The following ACOXL variants were observed in gnomAD, a reference collection of about 807,000 sequenced individuals.
ACOXL encodes acyl-CoA oxidase like.
Under a neutral mutation model 71.9 loss-of-function variants are expected in ACOXL, and 70 were observed. That is an observed-to-expected ratio of 0.97 (90% CI 0.80 to 1.19). The LOEUF is 1.19. ACOXL is among the 50% of genes most tolerant of loss of function. ACOXL has a pLI of 0.00. For synonymous variants in ACOXL, 253 were observed against 281.6 expected (o/e 0.90, Z 1.02); for missense variants, 703 against 736.3 (o/e 0.95, Z 0.52).
chr2:110,799,809 CTGTAAAAATGCACCAATCAGTGCTG>C (rs1685734647), intron 7 of ACOXL, among the ~76,000 whole-genome samples: 1 of 151,940 alleles, frequency 6.6e-6, no homozygotes, highest in African/African-American at 2.4e-5. Flanking sequence ...AATCAGTGCT[CTGTAAAAATGCACCAATCAGTGCTG>C]TGTAACTAGC....
intron 11 of ACOXL, among the ~76,000 whole-genome samples, chr2:110,929,984 G>A (rs967835878): frequency 6.6e-6 from 1 of 152,230 alleles, no homozygotes; most frequent in Non-Finnish European, 1.5e-5. Context: ...ACCTTTGCTA[G>A]GGTAGTGTAG....
chr2:111,069,139 C>G (rs1574661966), intron 16 of ACOXL, among the ~76,000 whole-genome samples: 1 of 143,008 alleles, frequency 7.0e-6, no homozygotes, highest in East Asian at 2.0e-4. Flanking sequence ...TCTCCCTCTT[C>G]TTTTTCTTTT....
At chr2:110,775,308 A>G (rs1682501347) in intron 2 of ACOXL, among the ~76,000 whole-genome samples, 2 of 152,248 alleles carry the variant, frequency 1.3e-5, no homozygotes, top group Non-Finnish European at 2.9e-5. Flanking sequence ...TGAAAAACGT[A>G]GATACATTTT....
intron 14 of ACOXL, among the ~76,000 whole-genome samples, chr2:111,018,713 G>GGA (rs1553458296): frequency 7.2e-5 from 11 of 151,948 alleles, no homozygotes; most frequent in Admixed American, 7.2e-4. Flanking sequence ...GAGGCTGGAG[G>GGA]GGGTGTTGGT....
At chr2:110,897,329 T>C (rs1447986491) in intron 10 of ACOXL, among the ~76,000 whole-genome samples, 1 of 152,166 alleles carries the variant, frequency 6.6e-6, no homozygotes, top group African/African-American at 2.4e-5. Context: ...TAAAGAATGG[T>C]CTTTTTAGTC....
chr2:110,846,910 C>T (rs1054643835), intron 10 of ACOXL, among the ~76,000 whole-genome samples: 12 of 152,282 alleles, frequency 7.9e-5, no homozygotes, highest in African/African-American at 2.6e-4. Context: ...CAAGGAGAGC[C>T]TCTGCCATGA....
At chr2:110,858,886 C>A (rs1043701986) in intron 10 of ACOXL, among the ~76,000 whole-genome samples, 1 of 152,212 alleles carries the variant, frequency 6.6e-6, no homozygotes, top group Non-Finnish European at 1.5e-5. Flanking sequence ...AAACAGGAAG[C>A]CTGCCTTCTC....
Position 110,950,016 on chromosome 2 carries a change from CTCTG to C in ACOXL, c.1059+16378_1059+16381del, listed in dbSNP as rs143068032. On this transcript the variant is annotated intron_variant, in intron 12 of 17. Coordinates refer to ENST00000439055, the MANE Select transcript of ACOXL (RefSeq NM_001142807.4). Reference sequence around the variant, plus strand: ...ATAAGTCCTTGGCTTTTAAACAATCCTCTGTCTTTTTTTTATTTTTATTTTTATT... The same window carrying C: ...ATAAGTCCTTGGCTTTTAAACAATCCTCTTTTTTTTATTTTTATTTTTATT... 6.7e-3 allele frequency among the ~76,000 whole-genome samples: 1,015 copies of C among 152,006 alleles called. 9 individuals carry two copies. The highest frequency in any genetic ancestry group is 0.023 in the African/African-American group (963 of 41,498).
chr2:111,005,298 A>T (rs2063821650), intron 14 of ACOXL, among the ~76,000 whole-genome samples: 1 of 152,242 alleles, frequency 6.6e-6, no homozygotes, highest in Non-Finnish European at 1.5e-5. Flanking sequence ...TTGCAAATGA[A>T]CATCATTAAT....
At chr2:110,779,539 A>G (rs1432953389) in intron 2 of ACOXL, among the ~76,000 whole-genome samples, 1 of 152,264 alleles carries the variant, frequency 6.6e-6, no homozygotes, top group African/African-American at 2.4e-5. Context: ...AAAAAAGGAC[A>G]AAGTTAGAAG....
At chr2:110,767,437 C>T (rs917111769) in intron 1 of ACOXL, among the ~76,000 whole-genome samples, 1 of 152,192 alleles carries the variant, frequency 6.6e-6, no homozygotes, top group African/African-American at 2.4e-5. Context: ...AAGCCTCAGA[C>T]ACAGTACAGT....
intron 14 of ACOXL, 55 bp downstream of exon 14, chr2:110,996,059 T>G: frequency 8.2e-5 from 106 of 1,295,928 alleles, no homozygotes; most frequent in Non-Finnish European, 1.1e-4. Context: ...AGGGATATCC[T>G]TGCTGGTGAA....
At chr2:111,054,108 C>T (rs972542514) in intron 16 of ACOXL, among the ~76,000 whole-genome samples, 3 of 152,174 alleles carry the variant, frequency 2.0e-5, no homozygotes, top group African/African-American at 4.8e-5. Context: ...GCCAAAGGTA[C>T]CTGGCTAGAA....
chr2:110,808,898 C>T (rs1243109162), intron 9 of ACOXL, among the ~76,000 whole-genome samples: 3 of 152,216 alleles, frequency 2.0e-5, no homozygotes, highest in African/African-American at 4.8e-5. Flanking sequence ...GGGGCCCTGC[C>T]AGCCTCATCC....
intron 9 of ACOXL, among the ~76,000 whole-genome samples, chr2:110,835,080 G>C (rs897955926): frequency 6.6e-6 from 1 of 152,166 alleles, no homozygotes. Context: ...GCACCGCCTA[G>C]GTTTCAATGT....
intron 11 of ACOXL, among the ~76,000 whole-genome samples, chr2:110,932,335 G>A (rs1232737846): frequency 6.6e-6 from 1 of 152,174 alleles, no homozygotes; most frequent in Non-Finnish European, 1.5e-5. Context: ...TCTCATGGGT[G>A]TGTACGGTTG....
intron 1 of ACOXL, among the ~76,000 whole-genome samples, chr2:110,741,885 G>A (rs1005103494): frequency 3.9e-5 from 6 of 152,246 alleles, no homozygotes; most frequent in African/African-American, 1.4e-4. Context: ...GTGGGCTGGT[G>A]GTTTTCCAAG....
chr2:110,921,171 G>C (rs1280556120), intron 11 of ACOXL, among the ~76,000 whole-genome samples: 1 of 151,832 alleles, frequency 6.6e-6, no homozygotes, highest in African/African-American at 2.4e-5. Flanking sequence ...CTGATGTTTT[G>C]TGTCCTCTTT....
chr2:111,109,899 G>A (rs147203991), intron 17 of ACOXL, among the ~76,000 whole-genome samples: 2,599 of 151,830 alleles, frequency 0.017, 73 homozygotes, highest in African/African-American at 0.059. Flanking sequence ...GGCTGGTCTC[G>A]AACTCCCGGC....
Sources: gnomAD v4.1 joint callset for allele counts (sites outside exome capture counted in the v4.1 genomes callset) on GRCh38, gnomAD v4.1.1 for gene constraint, MANE v1.5 for transcripts, NCBI Gene and HGNC (gene_info 2026-07-23, HGNC 2026-07-21) for gene names.